The following BRF1 variants were observed in gnomAD, a reference collection of about 807,000 sequenced individuals.
BRF1 encodes the protein transcription factor IIIB 90 kDa subunit.
Under a neutral mutation model 81.7 loss-of-function variants are expected in BRF1, and 59 were observed. That is an observed-to-expected ratio of 0.72 (90% CI 0.59 to 0.90). BRF1 has a LOEUF of 0.90. Among genes scored for constraint, BRF1 ranks in the 40% least tolerant of loss-of-function variants. BRF1 has a pLI of 0.00. For missense variants in BRF1, 1,050 were observed against 936.3 expected, an observed-to-expected ratio of 1.12 and a Z score of -1.58; for synonymous variants, 491 against 395.6, an observed-to-expected ratio of 1.24 and a Z score of -2.86.
chr14:105,305,032 G>A (rs1370126400), upstream of BRF1, among the ~76,000 whole-genome samples: 1 of 152,194 alleles, frequency 6.6e-6, no homozygotes, highest in Non-Finnish European at 1.5e-5. Flanking sequence ...CCAAGGCGAT[G>A]GTTTTAGAGA....
intron 3 of BRF1, among the ~76,000 whole-genome samples, chr14:105,263,924 C>CAAAAA (rs58615148): frequency 1.3e-5 from 1 of 78,576 alleles, no homozygotes. Flanking sequence ...GACTCTGTCT[C>CAAAAA]AAAAAAAAAA....
At chr14:105,260,014 C>T (rs770939632) in intron 3 of BRF1, among the ~76,000 whole-genome samples, 8 of 152,142 alleles carry the variant, frequency 5.3e-5, no homozygotes, top group Non-Finnish European at 8.8e-5. Flanking sequence ...GAAATGGAAA[C>T]AGCGGTTGCC....
At position 105,241,592 on chromosome 14, in the gene BRF1, C is replaced by G. The variant is rs964511614; in HGVS notation, c.545-178G>C. 4 of 825,732 alleles carry G rather than the reference C, an allele frequency of 4.8e-6. No homozygotes were observed. In the East Asian group the frequency reaches 8.1e-5, roughly 17 times the overall value. The allele number at this position is 825,732 out of a possible 1,614,324, so 51.2% of individuals were successfully genotyped here. ...ACCCTCAGCTAGGGCAGCCATCGCA[C>G]CGAACCCAGGAGAGCCACTGGCCAC... On this transcript the variant is annotated intron_variant, in intron 5 of 17. Transcript: ENST00000547530.
chr14:105,215,199 TGAGA>T (rs1055706387), intron 15 of BRF1, among the ~76,000 whole-genome samples: 3 of 150,386 alleles, frequency 2.0e-5, no homozygotes, highest in African/African-American at 4.9e-5. Flanking sequence ...TGCACACAGT[TGAGA>T]GACTTAAGAC....
intron 2 of BRF1, among the ~76,000 whole-genome samples, chr14:105,285,732 GA>G (rs1353613863): frequency 5.3e-5 from 8 of 152,124 alleles, no homozygotes; most frequent in African/African-American, 1.9e-4. Context: ...AAAAGAAAAT[GA>G]AAAGAACGCA....
At chr14:105,294,200 G>A (rs948244355) in intron 1 of BRF1, among the ~76,000 whole-genome samples, 6 of 152,176 alleles carry the variant, frequency 3.9e-5, no homozygotes, top group African/African-American at 1.4e-4. Context: ...GGTCCCCAGG[G>A]GCTAAGAACC....
intron 15 of BRF1, among the ~76,000 whole-genome samples, chr14:105,216,239 C>T (rs1325840016): frequency 1.3e-5 from 2 of 152,218 alleles, no homozygotes; most frequent in African/African-American, 4.8e-5. Flanking sequence ...GGGCTGTGAA[C>T]CCTGTCACCA....
At position 105,217,452 on chromosome 14, in the gene BRF1, G is replaced by A. The variant is rs1009887200; in HGVS notation, c.1772+92C>T. ...CACTCCAGGCACTTCTGTGGCCCCG[G>A]CTGGCCCCCGGCAGCTCCAGGACCC... On this transcript the variant is annotated intron_variant, in intron 15 of 17. Coordinates refer to ENST00000547530, the MANE Select transcript of BRF1 (RefSeq NM_001519.4). The A allele has an allele frequency of 2.1e-5, 32 of 1,546,694 alleles. No homozygotes were observed. In the South Asian group the frequency reaches 3.8e-4, roughly 18 times the overall value.
chr14:105,310,694 C>T (rs1389055462), intron 1 of BRF1, among the ~76,000 whole-genome samples: 1 of 152,252 alleles, frequency 6.6e-6, no homozygotes, highest in East Asian at 1.9e-4. Flanking sequence ...CCCGGCTCTC[C>T]AGCCAGCGGC....
intron 3 of BRF1, among the ~76,000 whole-genome samples, chr14:105,257,741 G>C (rs7144338): frequency 0.045 from 6,806 of 152,272 alleles, 211 homozygotes; most frequent in African/African-American, 0.088. Context: ...GAACTACCTG[G>C]GGAAACGCCC....
chr14:105,217,623 C>A lies in BRF1; in HGVS notation c.1693G>T (p.Ala565Ser), dbSNP rs188142316. ...CTTCGTGACAGCTTCCTGGCACTGG[C>A]GCTATGCTCGGGCTGTGCATCCTCC... ...HREDAQPEHS[A>S]SARKLSRRRT... The change falls in exon 15 of 18, where the codon GCC becomes TCC. Residue 565 changes from alanine (A) to serine (S), a missense_variant. Transcript: ENST00000547530. The A allele has an allele frequency of 2.4e-5, 38 of 1,613,356 alleles. 1 individual carries two copies. The African/African-American group carries it at 3.3e-4, about 14-fold the overall frequency.
At chr14:105,274,533 G>A (rs1402795168) in intron 2 of BRF1, among the ~76,000 whole-genome samples, 1 of 152,228 alleles carries the variant, frequency 6.6e-6, no homozygotes, top group African/African-American at 2.4e-5. Context: ...GGGGCTGCGA[G>A]GTGCTGGAGG....
chr14:105,314,838 TCCGCGCGCCCGGCCCGCCCG>T (rs940099700), intron 1 of BRF1: 18 of 522,302 alleles, frequency 3.4e-5, no homozygotes, highest in African/African-American at 1.5e-4. Flanking sequence ...GCCGCCGCCC[TCCGCGCGCCCGGCCCGCCCG>T]CCGCGCGTCC....
chr14:105,258,701 A>G lies in BRF1; in HGVS notation c.440-2152T>C, dbSNP rs896029133. ...GTAATCCCAGCTACTTGGGAGGCTG[A>G]GGTGGGAGAATTGCTTGAACCCAGG... is the stretch of plus-strand genomic sequence containing the variant. On this transcript the variant is annotated intron_variant, in intron 3 of 17. Transcript: ENST00000547530. Among the ~76,000 whole-genome samples the G allele has an allele frequency of 3.3e-5, 5 of 151,958 alleles. 1 individual carries two copies. The highest frequency in any genetic ancestry group is 3.3e-4 in the Admixed American group (5 of 15,208).
In BRF1 at chr14:105,249,046, G is replaced by A. The variant is rs2055382138; in HGVS notation, c.544+3461C>T. The A allele has an allele frequency of 2.3e-6, 3 of 1,279,550 alleles. No homozygotes were observed. The highest frequency in any genetic ancestry group is 9.8e-7 in the Non-Finnish European group (1 of 1,021,684). The allele number at this position is 1,279,550 out of a possible 1,614,324, so 79.3% of individuals were successfully genotyped here. A position where few individuals can be genotyped will look rare whatever the true frequency, so the allele number is the denominator to read the frequency against. On this transcript the variant is annotated intron_variant, in intron 5 of 17. Transcript: ENST00000547530. ...ACACTCGGCAACAACCACCAGGAGAGCCCCGGCTGGCGGTGCTGCCGCCCC... is the reference window on the plus strand; with the variant it reads ...ACACTCGGCAACAACCACCAGGAGAACCCCGGCTGGCGGTGCTGCCGCCCC...
chr14:105,258,331 A>T (rs1001769490), intron 3 of BRF1, among the ~76,000 whole-genome samples: 42 of 151,950 alleles, frequency 2.8e-4, no homozygotes, highest in Non-Finnish European at 5.3e-4. Flanking sequence ...TACTAAAAAT[A>T]CAAAAAAATT....
At chr14:105,259,787 G>GT (rs930821983) in intron 3 of BRF1, among the ~76,000 whole-genome samples, 1 of 152,106 alleles carries the variant, frequency 6.6e-6, no homozygotes, top group African/African-American at 2.4e-5. Flanking sequence ...GCGTGCCCCT[G>GT]TAGTCCCAAC....
intron 1 of BRF1, among the ~76,000 whole-genome samples, chr14:105,287,867 G>T (rs780741337): frequency 1.3e-5 from 2 of 152,228 alleles, no homozygotes; most frequent in African/African-American, 4.8e-5. Context: ...GGGCCCGTCC[G>T]GAAACTCAGA....
chr14:105,241,224 AC>A, intron 6 of BRF1, 40 bp downstream of exon 6: 1 of 1,602,896 alleles, frequency 6.2e-7, no homozygotes. Flanking sequence ...TGAGGCCAGG[AC>A]CCAGACCAGC....
Sources: gnomAD v4.1 joint callset for allele counts (sites outside exome capture counted in the v4.1 genomes callset) on GRCh38, gnomAD v4.1.1 for gene constraint, MANE v1.5 for transcripts, NCBI Gene and HGNC (gene_info 2026-07-23, HGNC 2026-07-21) for gene names.